Variants in SPIRE1 observed in about 807,000 individuals in gnomAD.
SPIRE1 encodes protein spire homolog 1.
A neutral mutation model predicts 94.1 loss-of-function variants in SPIRE1; 40 were observed. That is an observed-to-expected ratio of 0.43 (90% CI 0.33 to 0.55). SPIRE1 has a LOEUF of 0.55. SPIRE1 is among the 20% of genes least tolerant of loss of function. The pLI, the probability that SPIRE1 is intolerant of heterozygous loss-of-function variation, is 0.06. For synonymous variants in SPIRE1, 376 were observed against 371.7 expected (o/e 1.01, Z -0.13); for missense variants, 838 against 975.2 (o/e 0.86, Z 1.87).
At position 12,609,998 on chromosome 18, in the gene SPIRE1, T is replaced by C. The variant is rs114535139; in HGVS notation, c.372+25064A>G. Among the ~76,000 whole-genome samples the C allele has an allele frequency of 9.5e-3, 1,439 of 152,094 alleles. 32 individuals are homozygous for C. Among genetic ancestry groups the C allele is most frequent in the African/African-American group, 0.032 (1,327 of 41,450 alleles). Reference sequence around the variant, plus strand: ...TGTTCTTTCTGTCACAGTTATCAGGTTGCTGAACCTGGAACTGGGAGGAGG... The same window carrying C: ...TGTTCTTTCTGTCACAGTTATCAGGCTGCTGAACCTGGAACTGGGAGGAGG... On this transcript the variant is annotated intron_variant, in intron 2 of 16. Transcript: ENST00000409402.
chr18:12,633,438 T>C (rs2037835185), intron 2 of SPIRE1, among the ~76,000 whole-genome samples: 1 of 152,018 alleles, frequency 6.6e-6, no homozygotes, highest in Non-Finnish European at 1.5e-5. Context: ...CTAGCCAGCA[T>C]GGTGGCATGT....
chr18:12,453,133 G>A lies in SPIRE1; in HGVS notation c.1782C>T (p.Cys594=), dbSNP rs1473767967. Residue 594 remains cysteine (C), a synonymous_variant, in exon 14 of 17, where the codon TGC becomes TGT. Transcript: ENST00000409402. The part of the protein sequence containing the change: ...IYTALKKGKL[C]FCCRTRRFSF... ...AAAACCTCCTGGTTCGGCAACAAAA[G>A]CAGAGCTAAAAAATACAAATTTAAG... The A allele has an allele frequency of 1.9e-6, 3 of 1,606,034 alleles. No individual in the cohort carries two copies. Among genetic ancestry groups the A allele is most frequent in the East Asian group, 4.5e-5 (2 of 44,642 alleles).
At chr18:12,641,182 C>G (rs2038073165) in intron 1 of SPIRE1, among the ~76,000 whole-genome samples, 2 of 151,966 alleles carry the variant, frequency 1.3e-5, no homozygotes, top group Non-Finnish European at 2.9e-5. Context: ...AACATTTGAC[C>G]AAAACTGATC....
chr18:12,518,815 A>G (rs906343798), intron 4 of SPIRE1, among the ~76,000 whole-genome samples: 6 of 152,264 alleles, frequency 3.9e-5, no homozygotes, highest in Admixed American at 2.0e-4. Context: ...TAAAAAATGA[A>G]TATCAGCCAC....
chr18:12,538,618 C>G (rs1478390256), intron 3 of SPIRE1, among the ~76,000 whole-genome samples: 1 of 152,104 alleles, frequency 6.6e-6, no homozygotes, highest in African/African-American at 2.4e-5. Context: ...CCACTTATGG[C>G]TATGTACTTA....
chr18:12,603,409 G>A (rs1196498111), intron 2 of SPIRE1, among the ~76,000 whole-genome samples: 1 of 152,032 alleles, frequency 6.6e-6, no homozygotes, highest in Non-Finnish European at 1.5e-5. Context: ...CAAAGTGATG[G>A]GTGTCTTTTT....
rs779727504 is a variant in SPIRE1, at chr18:12,546,775, C to T, written c.502G>A (p.Gly168Ser). The change falls in exon 3 of 17, where the codon GGT (glycine) becomes AGT (serine). Residue 168 changes from glycine (G) to serine (S), a missense_variant. By Grantham distance (56) the Gly-to-Ser change is moderately conservative. This residue lies in a region of SPIRE1 where 645 missense variants were observed against 804.7 expected (regional missense o/e 0.80). Coordinates refer to ENST00000409402, the MANE Select transcript of SPIRE1 (RefSeq NM_001128626.2). ...DHMANTVEADGSNDEGYEAAE... is the reference protein window; with the variant it reads ...DHMANTVEADSSNDEGYEAAE... The stretch of plus-strand genomic sequence containing the variant: ...GCCTCATAGCCCTCATCATTGCTAC[C>T]GTCAGCTTCCACCGTGTTGGCCATG... 14 of 1,613,968 alleles carry T rather than the reference C, an allele frequency of 8.7e-6. No individual in the cohort carries two copies. In the East Asian group the frequency reaches 8.9e-5, roughly 10 times the overall value.
At chr18:12,638,580 T>C (rs1027880995) in intron 1 of SPIRE1, among the ~76,000 whole-genome samples, 2 of 152,154 alleles carry the variant, frequency 1.3e-5, no homozygotes, top group Non-Finnish European at 2.9e-5. Flanking sequence ...TCCTCATGTA[T>C]GTTGGTGTGG....
At chr18:12,551,689 G>C (rs372095732) in intron 2 of SPIRE1, among the ~76,000 whole-genome samples, 3 of 151,540 alleles carry the variant, frequency 2.0e-5, no homozygotes, top group African/African-American at 4.8e-5. Context: ...GTGACAGAGC[G>C]AGACTCCGTC....
chr18:12,655,861 A>G (rs2038523846), intron 1 of SPIRE1, among the ~76,000 whole-genome samples: 1 of 151,838 alleles, frequency 6.6e-6, no homozygotes, highest in Non-Finnish European at 1.5e-5. Context: ...GCACACAACC[A>G]TTTTTCCTCT....
intron 2 of SPIRE1, among the ~76,000 whole-genome samples, chr18:12,560,304 T>C (rs1481018675): frequency 1.3e-5 from 2 of 152,162 alleles, no homozygotes; most frequent in East Asian, 1.9e-4. Flanking sequence ...TGCAGCACTA[T>C]TTACAATAGC....
chr18:12,472,763 T>A (rs1041638176), intron 10 of SPIRE1, among the ~76,000 whole-genome samples: 1 of 151,828 alleles, frequency 6.6e-6, no homozygotes, highest in African/African-American at 2.4e-5. Context: ...TGGGCTCAAG[T>A]GATCCTCCTG....
In SPIRE1 at chr18:12,583,056, G is replaced by T. The variant is rs79665651; in HGVS notation, c.373-36152C>A. On this transcript the variant is annotated intron_variant, in intron 2 of 16. Transcript: ENST00000409402. ...CATGAAGGAATGCATGCTTGATACT[G>T]ACATATGTGATTTTTAAAGAAGGCA... Among the ~76,000 whole-genome samples, 28 of 152,286 alleles carry T rather than the reference G, an allele frequency of 1.8e-4. No homozygotes were observed. The East Asian group carries it at 5.4e-3, about 29-fold the overall frequency.
chr18:12,468,467 TCA>T (rs1206905845), intron 10 of SPIRE1, among the ~76,000 whole-genome samples: 1 of 152,120 alleles, frequency 6.6e-6, no homozygotes, highest in African/African-American at 2.4e-5. Flanking sequence ...CTCTTTTCTC[TCA>T]TTCAGACTTT....
At chr18:12,658,148 G>C, upstream of SPIRE1, 2 of 958,606 alleles carry the variant, frequency 2.1e-6, no homozygotes, top group Non-Finnish European at 2.6e-6. Flanking sequence ...GCCGTCCAGC[G>C]CCGCCCAGCG....
In SPIRE1 at chr18:12,449,469, G is replaced by A. The variant is rs1182074233; in HGVS notation, c.*169C>T. 4 of 691,078 alleles carry A rather than the reference G, an allele frequency of 5.8e-6. No homozygotes were observed. The highest frequency in any genetic ancestry group is 1.8e-5 in the African/African-American group (1 of 55,458). The allele number at this position is 691,078 out of a possible 1,614,324, so 42.8% of individuals were successfully genotyped here. Reference sequence around the variant, plus strand: ...GCGGACCTGTCACGTTTCATCAATCGATACGAACACAGCATTCAGTCTGTG... The same window carrying A: ...GCGGACCTGTCACGTTTCATCAATCAATACGAACACAGCATTCAGTCTGTG... On this transcript the variant is annotated 3_prime_UTR_variant, in exon 17 of 17. Coordinates refer to ENST00000409402, the MANE Select transcript of SPIRE1 (RefSeq NM_001128626.2).
At chr18:12,512,286 C>T (rs996103834) in intron 5 of SPIRE1, among the ~76,000 whole-genome samples, 168 bp downstream of exon 5, 4 of 151,968 alleles carry the variant, frequency 2.6e-5, no homozygotes, top group Non-Finnish European at 5.9e-5. Context: ...ATCACTTGAA[C>T]CCAGGAGGCG....
intron 1 of SPIRE1, 110 bp downstream of exon 1, chr18:12,657,420 G>A (rs2038579498): frequency 2.2e-6 from 2 of 929,628 alleles, no homozygotes; most frequent in Non-Finnish European, 2.8e-6. Context: ...GTCTCCCGTG[G>A]CAAAATGGGG....
At chr18:12,476,582 T>C (rs1372683474) in intron 10 of SPIRE1, among the ~76,000 whole-genome samples, 3 of 117,722 alleles carry the variant, frequency 2.5e-5, no homozygotes, top group Admixed American at 9.3e-5. Flanking sequence ...TATATATATA[T>C]ATATATACAC....
Sources: gnomAD v4.1 joint callset for allele counts (sites outside exome capture counted in the v4.1 genomes callset) on GRCh38, gnomAD v4.1.1 for gene constraint, gnomAD v4.1.1 regional missense constraint, MANE v1.5 for transcripts, NCBI Gene and HGNC (gene_info 2026-07-23, HGNC 2026-07-21) for gene names.